Variants in CCDC3 observed in about 807,000 individuals in gnomAD.
CCDC3 encodes coiled-coil domain containing 3, also known as coiled-coil domain-containing protein 3.
In CCDC3, 24 loss-of-function variants were observed where a neutral mutation model predicts 21.4. That is an observed-to-expected ratio of 1.12 (90% CI 0.81 to 1.58). The LOEUF is 1.58. Among genes scored for constraint, CCDC3 ranks in the 40% most tolerant of loss-of-function variants. CCDC3 has a pLI of 0.00. For missense variants in CCDC3, 425 were observed against 360.9 expected (o/e 1.18, Z -1.44); for synonymous variants, 186 against 166.0 (o/e 1.12, Z -0.93).
chr10:13,079,853 AG>A (rs1048951419), intron 3 of CCDC3, among the ~76,000 whole-genome samples: 30 of 152,306 alleles, frequency 2.0e-4, no homozygotes, highest in Non-Finnish European at 2.9e-4. Flanking sequence ...CAGCAGAGAG[AG>A]AAAAAGGCAG....
chr10:13,036,003 G>A (rs1836372550), intron 5 of CCDC3, among the ~76,000 whole-genome samples: 1 of 152,164 alleles, frequency 6.6e-6, no homozygotes, highest in Non-Finnish European at 1.5e-5. Flanking sequence ...AATTAGCCAG[G>A]TGTGGTGATA....
At chr10:12,911,596 C>T (rs962660224) in intron 2 of CCDC3, among the ~76,000 whole-genome samples, 5 of 152,138 alleles carry the variant, frequency 3.3e-5, no homozygotes, top group African/African-American at 4.8e-5. Context: ...ACATGTACAA[C>T]GTGATCTGAA....
intron 2 of CCDC3, among the ~76,000 whole-genome samples, chr10:12,910,563 C>T (rs1348723846): frequency 7.8e-6 from 1 of 127,788 alleles, no homozygotes; most frequent in Non-Finnish European, 1.6e-5. Context: ...CAAGTCCTTG[C>T]AAACTTGCAA....
At chr10:13,038,789 C>T (rs911799200) in intron 5 of CCDC3, among the ~76,000 whole-genome samples, 3 of 152,174 alleles carry the variant, frequency 2.0e-5, no homozygotes, top group Non-Finnish European at 4.4e-5. Flanking sequence ...ATCTTGCTCC[C>T]GCTGATGTAG....
intron 2 of CCDC3, among the ~76,000 whole-genome samples, chr10:12,965,332 T>C (rs1265561005): frequency 1.3e-5 from 2 of 152,212 alleles, no homozygotes; most frequent in Non-Finnish European, 2.9e-5. Flanking sequence ...GTTTATTTCA[T>C]AGACCCAGTT....
chr10:13,040,865 G>C (rs1308933182), intron 5 of CCDC3, among the ~76,000 whole-genome samples: 1 of 152,142 alleles, frequency 6.6e-6, no homozygotes, highest in African/African-American at 2.4e-5. Flanking sequence ...GTCCTATCTA[G>C]TAAATTATTT....
chr10:13,073,888 C>T (rs914442341), exon 4 of CCDC3: 1 of 152,156 alleles, frequency 6.6e-6, no homozygotes, highest in African/African-American at 2.4e-5. Flanking sequence ...TTCTTTTCTT[C>T]CCTTCCACAG....
intron 4 of CCDC3, among the ~76,000 whole-genome samples, chr10:13,059,670 T>C (rs1320288010): frequency 6.6e-6 from 1 of 152,154 alleles, no homozygotes; most frequent in South Asian, 2.1e-4. Flanking sequence ...CCATTTCACT[T>C]CATGGCTATG....
At chr10:12,956,706 C>G (rs1835092188) in intron 2 of CCDC3, among the ~76,000 whole-genome samples, 1 of 152,208 alleles carries the variant, frequency 6.6e-6, no homozygotes, top group Non-Finnish European at 1.5e-5. Flanking sequence ...CTCTTCTTAG[C>G]TAGGTCTCAG....
At chr10:12,923,153 C>T (rs1233335798) in intron 2 of CCDC3, among the ~76,000 whole-genome samples, 1 of 152,150 alleles carries the variant, frequency 6.6e-6, no homozygotes, top group African/African-American at 2.4e-5. Flanking sequence ...CCCATGGACC[C>T]ACCATCTGGA....
At chr10:12,924,022 C>T (rs999077705) in intron 2 of CCDC3, among the ~76,000 whole-genome samples, 3 of 152,174 alleles carry the variant, frequency 2.0e-5, no homozygotes, top group Admixed American at 2.0e-4. Context: ...AATTTGTGAG[C>T]CCAGTTTTGT....
chr10:12,951,363 T>C (rs898970295), intron 2 of CCDC3, among the ~76,000 whole-genome samples: 2 of 151,842 alleles, frequency 1.3e-5, no homozygotes, highest in South Asian at 2.1e-4. Context: ...CAAAAAAAAG[T>C]TTAAAACCCA....
At chr10:12,976,120 C>A (rs1835413901) in intron 2 of CCDC3, among the ~76,000 whole-genome samples, 1 of 152,252 alleles carries the variant, frequency 6.6e-6, no homozygotes, top group Non-Finnish European at 1.5e-5. Context: ...CCAGGCTGGG[C>A]TGAGACACAA....
At chr10:12,901,160 T>C (rs1284949859) in intron 2 of CCDC3, among the ~76,000 whole-genome samples, 1 of 152,230 alleles carries the variant, frequency 6.6e-6, no homozygotes, top group African/African-American at 2.4e-5. Flanking sequence ...TTGTTGAGAC[T>C]GGATCACAGG....
intron 2 of CCDC3, among the ~76,000 whole-genome samples, chr10:12,970,774 T>A (rs1298081529): frequency 6.6e-6 from 1 of 151,826 alleles, no homozygotes; most frequent in Non-Finnish European, 1.5e-5. Flanking sequence ...AAATCCCAGC[T>A]ACTCAGGAGG....
intron 2 of CCDC3, among the ~76,000 whole-genome samples, chr10:12,970,711 C>T (rs1235010203): frequency 6.6e-6 from 1 of 152,090 alleles, no homozygotes; most frequent in East Asian, 1.9e-4. Flanking sequence ...CATGGTGAAA[C>T]CCTGTCTTTA....
At chr10:13,067,284 T>C (rs1836832493) in intron 4 of CCDC3, among the ~76,000 whole-genome samples, 1 of 152,240 alleles carries the variant, frequency 6.6e-6, no homozygotes, top group South Asian at 2.1e-4. Flanking sequence ...GAGGAACCCA[T>C]TTGTATAAGA....
intron 2 of CCDC3, among the ~76,000 whole-genome samples, chr10:12,956,610 T>C (rs953439657): frequency 1.3e-5 from 2 of 152,176 alleles, no homozygotes; most frequent in African/African-American, 4.8e-5. Flanking sequence ...GTTGGCTTGG[T>C]TTATCCCGGG....
intron 2 of CCDC3, among the ~76,000 whole-genome samples, chr10:12,974,197 C>T (rs781341027): frequency 7.2e-5 from 11 of 152,218 alleles, no homozygotes; most frequent in South Asian, 2.1e-4. Context: ...AAAAGCCTGC[C>T]GGGTACGGCG....
Sources: gnomAD v4.1 joint callset for allele counts (sites outside exome capture counted in the v4.1 genomes callset) on GRCh38, gnomAD v4.1.1 for gene constraint, MANE v1.5 for transcripts, NCBI Gene and HGNC (gene_info 2026-07-23, HGNC 2026-07-21) for gene names.